Variants in ZNF518A observed in about 807,000 individuals in gnomAD.
The protein encoded by ZNF518A is zinc finger protein 518.
A neutral mutation model predicts 102.7 loss-of-function variants in ZNF518A; 47 were observed. The ratio of observed to expected loss-of-function variants is 0.46; its 90% CI spans 0.36 to 0.58. The LOEUF (loss-of-function observed/expected upper bound fraction) is 0.58, where lower values mean the gene tolerates loss of function less well. Among genes scored for constraint, ZNF518A ranks in the 20% least tolerant of loss-of-function variants. The probability of loss-of-function intolerance (pLI) is 0.00; values close to 1 mark genes in which losing one functional copy is unlikely to be tolerated. For synonymous variants in ZNF518A, 652 were observed against 594.6 expected (o/e 1.10, Z -1.40); for missense variants, 1,793 against 1,699.8 (o/e 1.05, Z -0.96).
At chr10:96,196,655 G>C (rs189410970) in intron 1 of ZNF518A, among the ~76,000 whole-genome samples, 1 of 152,170 alleles carries the variant, frequency 6.6e-6, no homozygotes, top group East Asian at 1.9e-4. Flanking sequence ...TAAAATCTTG[G>C]GTCAGACTGA....
chr10:96,169,534 T>C (rs1163012150), intron 1 of ZNF518A, among the ~76,000 whole-genome samples: 1 of 152,212 alleles, frequency 6.6e-6, no homozygotes, highest in African/African-American at 2.4e-5. Context: ...TTTCTATCCC[T>C]TTATTGATGT....
At chr10:96,137,920 T>A (rs587758950) in intron 3 of ZNF518A, among the ~76,000 whole-genome samples, 1 of 152,270 alleles carries the variant, frequency 6.6e-6, no homozygotes, top group South Asian at 2.1e-4. Flanking sequence ...AATGGAACTT[T>A]TGATAAACTT....
At chr10:96,176,965 C>T (rs1353994103) in intron 1 of ZNF518A, among the ~76,000 whole-genome samples, 1 of 151,814 alleles carries the variant, frequency 6.6e-6, no homozygotes, top group Non-Finnish European at 1.5e-5. Flanking sequence ...GTAGTCCCAG[C>T]TACTTCAGTG....
chr10:96,196,958 T>C (rs782174916), intron 1 of ZNF518A: 14 of 1,613,506 alleles, frequency 8.7e-6, no homozygotes, highest in South Asian at 5.5e-5. Flanking sequence ...GTTGCTTCAA[T>C]AAATCGCACA....
chr10:96,134,578 T>G (rs587772678), intron 3 of ZNF518A, among the ~76,000 whole-genome samples: 2 of 152,330 alleles, frequency 1.3e-5, no homozygotes, highest in African/African-American at 4.8e-5. Flanking sequence ...TTGTACTATT[T>G]GACCCAGACT....
At chr10:96,187,955 C>A (rs1283626551) in intron 1 of ZNF518A, among the ~76,000 whole-genome samples, 1 of 152,222 alleles carries the variant, frequency 6.6e-6, no homozygotes, top group Admixed American at 6.5e-5. Flanking sequence ...AAGTGATTCT[C>A]ATGCCTCAGC....
chr10:96,184,872 T>C (rs587748154), intron 1 of ZNF518A, among the ~76,000 whole-genome samples: 35 of 152,346 alleles, frequency 2.3e-4, no homozygotes, highest in African/African-American at 8.2e-4. Flanking sequence ...GGGGAAGTTC[T>C]CCTGGATAAT....
Position 96,158,088 on chromosome 10 carries a change from A to C in ZNF518A, c.1766A>C (p.Glu589Ala), listed in dbSNP as rs782786558. ...AATCATCTCACTCAGAGTCACCCCGAGGTATTAGGTACCACCATTAAAAGT... is the reference window on the plus strand; with the variant it reads ...AATCATCTCACTCAGAGTCACCCCGCGGTATTAGGTACCACCATTAAAAGT... The part of the protein sequence containing the change: ...WGNHLTQSHP[E>A]VLGTTIKSPD... Residue 589 changes from glutamate (E) to alanine (A), a missense_variant, in exon 6 of 6, where the codon GAG (glutamate) becomes GCG (alanine). Coordinates refer to ENST00000316045, the MANE Select transcript of ZNF518A (RefSeq NM_001330736.2). 6 of 1,613,532 alleles carry C rather than the reference A, an allele frequency of 3.7e-6. No individual in the cohort carries two copies. Among genetic ancestry groups the C allele is most frequent in the Non-Finnish European group, 5.1e-6 (6 of 1,179,752 alleles).
At chr10:96,136,067 G>A (rs2081580889) in intron 3 of ZNF518A, among the ~76,000 whole-genome samples, 1 of 152,052 alleles carries the variant, frequency 6.6e-6, no homozygotes, top group Admixed American at 6.5e-5. Context: ...TTGGAAATGA[G>A]GTAGTGGAAA....
chr10:96,192,321 G>A (rs756406715), intron 1 of ZNF518A, among the ~76,000 whole-genome samples: 6 of 150,018 alleles, frequency 4.0e-5, no homozygotes, highest in Non-Finnish European at 5.9e-5. Context: ...AATTAGCATA[G>A]CTACTTAGAG....
intron 1 of ZNF518A, among the ~76,000 whole-genome samples, chr10:96,131,768 C>T (rs974036057): frequency 9.9e-5 from 15 of 152,176 alleles, no homozygotes; most frequent in Non-Finnish European, 2.2e-4. Context: ...AATTTTTTGC[C>T]ATGGTCACAC....
At chr10:96,168,056 T>C (rs149019812), downstream of ZNF518A, among the ~76,000 whole-genome samples, 4 of 152,330 alleles carry the variant, frequency 2.6e-5, no homozygotes, top group African/African-American at 9.6e-5. Context: ...TATATGTCCA[T>C]CAACATAGTT....
At chr10:96,164,964 A>G (rs1170951238), downstream of ZNF518A, among the ~76,000 whole-genome samples, 10 of 152,252 alleles carry the variant, frequency 6.6e-5, no homozygotes, top group African/African-American at 2.2e-4. Flanking sequence ...CTAATGTCAA[A>G]GAATAGGAAA....
chr10:96,164,752 G>A (rs2083108904), downstream of ZNF518A, among the ~76,000 whole-genome samples: 1 of 152,166 alleles, frequency 6.6e-6, no homozygotes, highest in Non-Finnish European at 1.5e-5. Context: ...CATGAATTTA[G>A]GAGATGCCAA....
chr10:96,160,817 G>C lies in ZNF518A; in HGVS notation c.*43G>C, dbSNP rs374825340. ...GGAAAAGAAAAGTAAAATTACCTTA[G>C]AAGAAAACAACGGGTTCAGTTACCA... On this transcript the variant is annotated 3_prime_UTR_variant, in exon 6 of 6. Coordinates refer to ENST00000316045, the MANE Select transcript of ZNF518A (RefSeq NM_001330736.2). 166 of 1,472,540 alleles carry C rather than the reference G, an allele frequency of 1.1e-4. No homozygotes were observed. The highest frequency in any genetic ancestry group is 1.4e-4 in the Non-Finnish European group (154 of 1,114,390). 91.2% of individuals were successfully genotyped at this position (1,472,540 alleles called of 1,614,324 possible).
chr10:96,160,133 G>T lies in ZNF518A; in HGVS notation c.3811G>T (p.Val1271Leu). 1 of 1,610,210 alleles carries T rather than the reference G, an allele frequency of 6.2e-7. No individual in the cohort carries two copies. The highest frequency in any genetic ancestry group is 1.1e-5 in the South Asian group (1 of 90,214). Residue 1271 changes from valine (V) to leucine (L), a missense_variant, in exon 6 of 6, where the codon GTA becomes TTA. Coordinates refer to ENST00000316045, the MANE Select transcript of ZNF518A (RefSeq NM_001330736.2). ...HGSKDSETAF[V>L]SRNRNCKRKC... is the part of the protein sequence containing the mutation. The stretch of plus-strand genomic sequence containing the variant: ...AAGTAAAGACTCTGAAACTGCCTTT[G>T]TATCTAGAAACAGAAACTGTAAACG...
chr10:96,175,180 TC>T (rs1246013240), intron 1 of ZNF518A, among the ~76,000 whole-genome samples: 5 of 152,194 alleles, frequency 3.3e-5, no homozygotes, highest in African/African-American at 1.2e-4. Context: ...ACTTCCCAGC[TC>T]ATTCTATGAG....
chr10:96,133,515 C>T (rs1554873082), intron 2 of ZNF518A, 68 bp from the exon 3 acceptor site: 1 of 152,038 alleles, frequency 6.6e-6, no homozygotes, highest in Non-Finnish European at 1.5e-5. Flanking sequence ...AAATATTGTA[C>T]CCATGTAAAA....
At chr10:96,171,539 T>C (rs2083173503) in intron 1 of ZNF518A, among the ~76,000 whole-genome samples, 1 of 152,080 alleles carries the variant, frequency 6.6e-6, no homozygotes, top group African/African-American at 2.4e-5. Context: ...TTAAAGGAAA[T>C]ACAGAGGGGA....
Sources: allele counts gnomAD v4.1 joint callset (sites outside exome capture counted in the v4.1 genomes callset), GRCh38; gene constraint gnomAD v4.1.1; transcripts MANE v1.5; gene names NCBI Gene and HGNC (gene_info 2026-07-23, HGNC 2026-07-21).